B3GALT1: variants seen among roughly 807,000 people sequenced by gnomAD.
B3GALT1 encodes UDP-Gal:betaGlcNAc beta 1,3-galactosyltransferase, polypeptide 1.
B3GALT1 carries 10 observed loss-of-function variants against 23.2 expected under a neutral mutation model. The observed-to-expected ratio is 0.43, with a 90% CI of 0.27 to 0.73. The LOEUF is 0.73. Ranked by LOEUF, B3GALT1 falls within the 30% of genes least tolerant of loss-of-function variation. The probability of loss-of-function intolerance (pLI) is 0.21; values close to 1 mark genes in which losing one functional copy is unlikely to be tolerated. For missense variants in B3GALT1, 299 were observed against 405.4 expected (o/e 0.74, Z 2.25); for synonymous variants, 156 against 141.5 (o/e 1.10, Z -0.73).
chr2:167,667,862 A>G (rs946792529), intron 3 of B3GALT1, among the ~76,000 whole-genome samples: 1 of 152,114 alleles, frequency 6.6e-6, no homozygotes, highest in Non-Finnish European at 1.5e-5. Flanking sequence ...AATTTTTTTG[A>G]AAGTTTTCAA....
At chr2:167,539,201 A>G (rs1402483324) in intron 2 of B3GALT1, among the ~76,000 whole-genome samples, 1 of 152,132 alleles carries the variant, frequency 6.6e-6, no homozygotes, top group Non-Finnish European at 1.5e-5. Context: ...AATAGTGTAA[A>G]CAGGATTAGA....
chr2:167,378,293 A>G (rs1697794823), intron 1 of B3GALT1, among the ~76,000 whole-genome samples: 1 of 151,994 alleles, frequency 6.6e-6, no homozygotes, highest in Admixed American at 6.6e-5. Flanking sequence ...TCTGGTGCCT[A>G]TATACCTTGG....
At chr2:167,588,502 A>C (rs1016938562) in intron 2 of B3GALT1, among the ~76,000 whole-genome samples, 3 of 152,144 alleles carry the variant, frequency 2.0e-5, no homozygotes, top group African/African-American at 7.2e-5. Context: ...CACTCCCCAC[A>C]ATAGCATATA....
rs139886124 is a variant in B3GALT1, at chr2:167,776,322, G to A, written c.-351-42350G>A. ...CCTCAACTATGCTCCGACAGAAATG[G>A]ACATGTTGTAGAGGAAAAACCGTGA... On this transcript the variant is annotated intron_variant, in intron 3 of 4. Coordinates refer to ENST00000392690, the MANE Select transcript of B3GALT1 (RefSeq NM_020981.4). Among the ~76,000 whole-genome samples, 455 of 152,226 alleles carry A rather than the reference G, an allele frequency of 3.0e-3. 1 individual carries two copies. The highest frequency in any genetic ancestry group is 0.01 in the Middle Eastern group (3 of 294).
At chr2:167,821,431 CTTTT>C (rs10573752) in intron 4 of B3GALT1, among the ~76,000 whole-genome samples, 4 of 108,724 alleles carry the variant, frequency 3.7e-5, no homozygotes, top group South Asian at 3.0e-4. Flanking sequence ...AAGGAAGGTA[CTTTT>C]TTTTTTTTTT....
chr2:167,568,156 A>G (rs558998147), intron 2 of B3GALT1, among the ~76,000 whole-genome samples: 71 of 152,226 alleles, frequency 4.7e-4, no homozygotes, highest in African/African-American at 1.6e-3. Flanking sequence ...GTTGTTTCCA[A>G]GTTTTGGCAA....
At chr2:167,716,705 A>C (rs554482914) in intron 3 of B3GALT1, among the ~76,000 whole-genome samples, 2 of 152,260 alleles carry the variant, frequency 1.3e-5, no homozygotes, top group East Asian at 3.9e-4. Flanking sequence ...CATAAGCCTG[A>C]CATTTTTTGT....
At chr2:167,636,042 C>A (rs555820705) in intron 2 of B3GALT1, among the ~76,000 whole-genome samples, 1 of 152,152 alleles carries the variant, frequency 6.6e-6, no homozygotes, top group Non-Finnish European at 1.5e-5. Context: ...TGCCACCCAT[C>A]TATAACCATC....
At position 167,622,047 on chromosome 2, in the gene B3GALT1, C is replaced by T. The variant is rs1685269310; in HGVS notation, c.-409-24862C>T. 7.9e-5 allele frequency among the ~76,000 whole-genome samples: 12 copies of T among 152,194 alleles called. 1 individual carries two copies. In the South Asian group the frequency reaches 2.5e-3, roughly 32 times the overall value. ...ATACATCAGCAGAGACATACATAAA[C>T]ATATTATATCATACACATTCATTAC... On this transcript the variant is annotated intron_variant, in intron 2 of 4. Coordinates refer to ENST00000392690, the MANE Select transcript of B3GALT1 (RefSeq NM_020981.4).
chr2:167,636,294 C>T (rs1256133696), intron 2 of B3GALT1, among the ~76,000 whole-genome samples: 1 of 151,616 alleles, frequency 6.6e-6, no homozygotes, highest in Non-Finnish European at 1.5e-5. Flanking sequence ...ATTAGTTTAC[C>T]CCCACCTAGA....
chr2:167,636,961 C>G lies in B3GALT1; in HGVS notation c.-409-9948C>G, dbSNP rs557174780. Among the ~76,000 whole-genome samples, 52 of 151,910 alleles carry G rather than the reference C, an allele frequency of 3.4e-4. No individual in the cohort carries two copies. In the South Asian group the frequency reaches 0.011, roughly 31 times the overall value. ...TAACAAAACTGGACATTGTTCTGCA[C>G]AAGTATCCCAGAACTTAAAGTATAA... On this transcript the variant is annotated intron_variant, in intron 2 of 4. Coordinates refer to ENST00000392690, the MANE Select transcript of B3GALT1 (RefSeq NM_020981.4).
intron 1 of B3GALT1, among the ~76,000 whole-genome samples, chr2:167,452,406 C>G (rs1273837786): frequency 6.6e-6 from 1 of 152,132 alleles, no homozygotes; most frequent in Non-Finnish European, 1.5e-5. Context: ...TTTCACTCGG[C>G]TCTCTAAATT....
intron 3 of B3GALT1, among the ~76,000 whole-genome samples, chr2:167,649,968 G>A (rs1399831549): frequency 6.6e-6 from 1 of 151,894 alleles, no homozygotes; most frequent in Non-Finnish European, 1.5e-5. Flanking sequence ...TAGATGTAAT[G>A]AATATGTGCA....
chr2:167,820,723 CTAT>C (rs1272557879), intron 4 of B3GALT1, among the ~76,000 whole-genome samples: 1 of 152,202 alleles, frequency 6.6e-6, no homozygotes, highest in African/African-American at 2.4e-5. Flanking sequence ...ACTATCCTGA[CTAT>C]TATTATTAGG....
At position 167,371,909 on chromosome 2, in the gene B3GALT1, G is replaced by A. The variant is rs915748425; in HGVS notation, c.-511+78575G>A. 6.6e-5 allele frequency among the ~76,000 whole-genome samples: 10 copies of A among 151,772 alleles called. 1 individual carries two copies. Among genetic ancestry groups the A allele is most frequent in the Middle Eastern group, 6.9e-3 (2 of 290 alleles). Reference sequence around the variant, plus strand: ...AACATTTGCTGACATAAAGGGAGTTGATCGTATAACTTTAAAATATATTTA... The same window carrying A: ...AACATTTGCTGACATAAAGGGAGTTAATCGTATAACTTTAAAATATATTTA... On this transcript the variant is annotated intron_variant, in intron 1 of 4. Transcript: ENST00000392690.
intron 1 of B3GALT1, among the ~76,000 whole-genome samples, chr2:167,432,385 A>G (rs1698719149): frequency 1.3e-5 from 2 of 152,220 alleles, no homozygotes; most frequent in Admixed American, 1.3e-4. Context: ...GTTCACCTGG[A>G]AGTATTCCAG....
At chr2:167,806,140 G>A (rs1324472152) in intron 3 of B3GALT1, among the ~76,000 whole-genome samples, 1 of 152,100 alleles carries the variant, frequency 6.6e-6, no homozygotes, top group Non-Finnish European at 1.5e-5. Context: ...GTCTGTTATT[G>A]GTGTATAAGA....
intron 2 of B3GALT1, among the ~76,000 whole-genome samples, chr2:167,550,372 AC>A (rs1479871271): frequency 6.6e-6 from 1 of 152,220 alleles, no homozygotes; most frequent in Non-Finnish European, 1.5e-5. Context: ...ACTTACTTTT[AC>A]TTTAAGAACC....
chr2:167,709,317 G>T (rs986822235), intron 3 of B3GALT1, among the ~76,000 whole-genome samples: 1 of 152,204 alleles, frequency 6.6e-6, no homozygotes, highest in African/African-American at 2.4e-5. Context: ...CTAATAACCA[G>T]ATAATACCTT....
Sources: allele counts gnomAD v4.1 joint callset (sites outside exome capture counted in the v4.1 genomes callset), GRCh38; gene constraint gnomAD v4.1.1; transcripts MANE v1.5; gene names NCBI Gene and HGNC (gene_info 2026-07-23, HGNC 2026-07-21).